The following HELQ variants were observed in gnomAD, a reference collection of about 807,000 sequenced individuals.
HELQ encodes the protein helicase, POLQ like.
HELQ carries 77 observed loss-of-function variants against 111.6 expected under a neutral mutation model. That is an observed-to-expected ratio of 0.69 (90% confidence interval 0.57 to 0.83). The LOEUF (loss-of-function observed/expected upper bound fraction) is 0.83. Among genes scored for constraint, HELQ ranks in the 40% least tolerant of loss-of-function variants. HELQ has a pLI of 0.00. For synonymous variants in HELQ, 438 were observed against 454.7 expected, an observed-to-expected ratio of 0.96 and a Z score of 0.47; for missense variants, 1,200 against 1,288.5, an observed-to-expected ratio of 0.93 and a Z score of 1.05.
In HELQ at chr4:83,455,269, C is replaced by T. The variant is rs763118891; in HGVS notation, c.297+128G>A. The stretch of plus-strand genomic sequence containing the variant: ...ATGTAAATAACAAGGCAATCAATAC[C>T]TCCTAAGTGCCGATTAACAGTGGTA... On this transcript the variant is annotated intron_variant, in intron 1 of 17. Transcript: ENST00000295488. 1.7e-4 allele frequency: 259 copies of T among 1,507,876 alleles called. 2 individuals carry two copies. The highest frequency in any genetic ancestry group is 2.7e-4 in the Admixed American group (12 of 43,810). The allele number at this position is 1,507,876 out of a possible 1,614,324, so 93.4% of individuals were successfully genotyped here.
chr4:83,430,406 G>T lies in HELQ; in HGVS notation c.2296-660C>A, dbSNP rs527392922. 2.7e-3 allele frequency among the ~76,000 whole-genome samples: 411 copies of T among 150,902 alleles called. 1 individual carries two copies. Among genetic ancestry groups the T allele is most frequent in the African/African-American group, 9.6e-3 (395 of 41,114 alleles). On this transcript the variant is annotated intron_variant, in intron 11 of 17. Coordinates refer to ENST00000295488, the MANE Select transcript of HELQ (RefSeq NM_133636.5). ...AAATAGTTGATCTCTACCTATTTTT[G>T]TCTCTCTCATTCCTATCTCCATTTC...
chr4:83,417,206 CTT>C (rs1176553232), intron 16 of HELQ, among the ~76,000 whole-genome samples: 15 of 139,818 alleles, frequency 1.1e-4, no homozygotes, highest in Admixed American at 7.2e-5. Context: ...CTTTTCTTTT[CTT>C]TTTTTTTTTT....
rs4693088 is a variant in HELQ, at chr4:83,441,290, T to G, written c.1662+15A>C. On this transcript the variant is annotated intron_variant, in intron 7 of 17. Coordinates refer to ENST00000295488, the MANE Select transcript of HELQ (RefSeq NM_133636.5). ...AAAGTCTGGTAACCTGGAATTTAAA[T>G]GTTATCAATGTTACCTTATAATTAA... is the stretch of plus-strand genomic sequence containing the variant. 0.43 allele frequency: 610,094 copies of G among 1,427,014 alleles called. 134,477 individuals carry two copies. Among genetic ancestry groups the G allele is most frequent in the East Asian group, 0.64 (27,831 of 43,298 alleles). 88.4% of individuals were successfully genotyped at this position (1,427,014 alleles called of 1,614,324 possible).
At chr4:83,422,832 G>GT (rs1314068300) in intron 14 of HELQ, among the ~76,000 whole-genome samples, 2 of 152,134 alleles carry the variant, frequency 1.3e-5, no homozygotes, top group Non-Finnish European at 2.9e-5. Context: ...AATTGTGTAC[G>GT]TATGTGATTA....
intron 16 of HELQ, among the ~76,000 whole-genome samples, chr4:83,417,476 T>A (rs777736137): frequency 7.2e-5 from 11 of 152,184 alleles, no homozygotes; most frequent in Admixed American, 1.3e-4. Context: ...GTGCTGTGAT[T>A]GCAGCATGAG....
chr4:83,407,419 ATAAT>A lies in HELQ; in HGVS notation c.*30_*33del, dbSNP rs776471843. 1.4e-5 allele frequency: 19 copies of A among 1,327,546 alleles called. No individual in the cohort carries two copies. The South Asian group carries it at 2.3e-4, about 16-fold the overall frequency. The allele number at this position is 1,327,546 out of a possible 1,614,324, so 82.2% of individuals were successfully genotyped here. A position where few individuals can be genotyped will look rare whatever the true frequency, so the allele number is the denominator to read the frequency against. ...CTTTAATAACACACATGTACAATAA[ATAAT>A]TCATATATGAAAATTCTCATCAGAT... On this transcript the variant is annotated 3_prime_UTR_variant, in exon 18 of 18. Coordinates refer to ENST00000295488, the MANE Select transcript of HELQ (RefSeq NM_133636.5).
chr4:83,429,429 G>GT, intron 12 of HELQ, 95 bp downstream of exon 12: 1 of 914,752 alleles, frequency 1.1e-6, no homozygotes, highest in South Asian at 1.7e-5. Context: ...GATTACAGGC[G>GT]TGAGCCACTG....
At chr4:83,450,248 A>AAAAAAAAAAAAAAAAAAC in intron 2 of HELQ, among the ~76,000 whole-genome samples, 1 of 142,916 alleles carries the variant, frequency 7.0e-6, no homozygotes, top group African/African-American at 2.8e-5. Flanking sequence ...AAAAAAAAAA[A>AAAAAAAAAAAAAAAAAAC]AAAAAAGCAG....
At chr4:83,451,339 G>C (rs1721352910) in intron 2 of HELQ, among the ~76,000 whole-genome samples, 1 of 152,048 alleles carries the variant, frequency 6.6e-6, no homozygotes, top group Admixed American at 6.5e-5. Flanking sequence ...GAACCTACCA[G>C]AGTATACCAG....
chr4:83,424,629 G>C (rs937305151), intron 14 of HELQ, among the ~76,000 whole-genome samples: 1 of 152,056 alleles, frequency 6.6e-6, no homozygotes, highest in African/African-American at 2.4e-5. Context: ...TGTGATCTCA[G>C]CTTACTGCAA....
chr4:83,448,958 C>A lies in HELQ; in HGVS notation c.1016G>T (p.Trp339Leu). ...QFKGIEKLYE[W>L]QHTCLTLNSV... The stretch of plus-strand genomic sequence containing the variant: ...ATTCAATGTTAAACAAGTATGTTGC[C>A]ATTCTGTGGAATTAAAAAAAAAAAG... The change falls in exon 3 of 18, where the codon TGG (tryptophan) becomes TTG (leucine). Residue 339 changes from tryptophan to leucine, a missense_variant. Trp to Leu is a moderately conservative substitution (Grantham distance 61). Around this residue, in one of 3 missense-constraint regions of HELQ, gnomAD observed 610 missense variants for 607.1 expected, o/e 1.00. Transcript: ENST00000295488. 1 of 1,542,046 alleles carries A rather than the reference C, an allele frequency of 6.5e-7. No individual in the cohort carries two copies. The highest frequency in any genetic ancestry group is 1.2e-5 in the South Asian group (1 of 82,862).
intron 13 of HELQ, 48 bp from the exon 14 acceptor site, chr4:83,426,140 T>C (rs777205238): frequency 4.2e-6 from 4 of 949,746 alleles, no homozygotes; most frequent in Admixed American, 1.9e-5. Flanking sequence ...AAATCTGTCA[T>C]GTGAACCAAA....
At chr4:83,408,542 T>G (rs1223402671) in intron 17 of HELQ, among the ~76,000 whole-genome samples, 1 of 151,146 alleles carries the variant, frequency 6.6e-6, no homozygotes. Flanking sequence ...TGAGCCACCA[T>G]GCCCAGCCTC....
chr4:83,433,713 T>C (rs1363556961), intron 9 of HELQ, among the ~76,000 whole-genome samples: 3 of 134,910 alleles, frequency 2.2e-5, no homozygotes, highest in Non-Finnish European at 4.7e-5. Flanking sequence ...CCGTGTGTGG[T>C]AGCTCATGCC....
At chr4:83,424,920 A>C (rs1279510118) in intron 14 of HELQ, among the ~76,000 whole-genome samples, 1 of 152,160 alleles carries the variant, frequency 6.6e-6, no homozygotes, top group East Asian at 1.9e-4. Context: ...AGTGTATGTA[A>C]ACATCATCTT....
chr4:83,441,324 GA>G lies in HELQ; in HGVS notation c.1642del (p.Ser548HisfsTer12). 6.3e-7 allele frequency: 1 copy of G among 1,585,288 alleles called. No homozygotes were observed. Among genetic ancestry groups the G allele is most frequent in the Non-Finnish European group, 8.6e-7 (1 of 1,157,632 alleles). ...DSKAENGMTF[S>X]RLLNYKYSDT... ...TGTTACCTTATAATTAAGAAGACGT[GA>G]AAAAGTCATGCCATTCTCAGCTTTG... On this transcript the variant is annotated frameshift_variant, in exon 7 of 18. Transcript: ENST00000295488. LOFTEE classifies it high-confidence loss of function.
chr4:83,434,233 T>C (rs1174661592), intron 9 of HELQ, among the ~76,000 whole-genome samples: 4 of 150,872 alleles, frequency 2.7e-5, no homozygotes, highest in South Asian at 4.2e-4. Flanking sequence ...TAGCCAGGTG[T>C]GGTGGTGGGC....
chr4:83,442,452 C>A (rs1420652151), intron 6 of HELQ, among the ~76,000 whole-genome samples: 3 of 149,514 alleles, frequency 2.0e-5, no homozygotes, highest in Non-Finnish European at 4.4e-5. Flanking sequence ...CTCTCTCTTG[C>A]AAGGCTGGAG....
chr4:83,444,214 A>T (rs1238061840), intron 5 of HELQ, among the ~76,000 whole-genome samples: 1 of 152,174 alleles, frequency 6.6e-6, no homozygotes, highest in Non-Finnish European at 1.5e-5. Context: ...AAATCTGCTT[A>T]TAACTGTCTA....
Sources: gnomAD v4.1 joint callset for allele counts (sites outside exome capture counted in the v4.1 genomes callset) on GRCh38, gnomAD v4.1.1 for gene constraint, gnomAD v4.1.1 regional missense constraint, MANE v1.5 for transcripts, NCBI Gene and HGNC (gene_info 2026-07-23, HGNC 2026-07-21) for gene names.